Variants in VWC2 observed in about 807,000 individuals in gnomAD.
VWC2 encodes the protein brorin.
In VWC2, 14 loss-of-function variants were observed where a neutral mutation model predicts 29.8. That is an observed-to-expected ratio of 0.47 (90% CI 0.31 to 0.74). VWC2 has a LOEUF of 0.74. Among genes scored for constraint, VWC2 ranks in the 30% least tolerant of loss-of-function variants. The pLI is 0.05. For synonymous variants in VWC2, 213 were observed against 199.0 expected (o/e 1.07, Z -0.59); for missense variants, 457 against 459.8 (o/e 0.99, Z 0.05).
At chr7:49,825,724 G>T (rs1342287152) in intron 3 of VWC2, among the ~76,000 whole-genome samples, 4 of 152,170 alleles carry the variant, frequency 2.6e-5, no homozygotes, top group African/African-American at 9.7e-5. Context: ...TACCTGAACT[G>T]CAGGTGAGTT....
At chr7:49,864,638 C>T (rs745501640) in intron 3 of VWC2, among the ~76,000 whole-genome samples, 18 of 152,300 alleles carry the variant, frequency 1.2e-4, no homozygotes, top group South Asian at 4.1e-4. Flanking sequence ...TCTTCCATCC[C>T]GAATGGCTTC....
intron 2 of VWC2, among the ~76,000 whole-genome samples, chr7:49,797,163 A>G (rs1443607732): frequency 2.0e-5 from 3 of 152,232 alleles, no homozygotes; most frequent in Non-Finnish European, 2.9e-5. Flanking sequence ...AGCCTCTGCT[A>G]TGCATGTAGT....
intron 2 of VWC2, among the ~76,000 whole-genome samples, chr7:49,801,265 G>C (rs1286155368): frequency 6.6e-5 from 10 of 152,208 alleles, no homozygotes; most frequent in African/African-American, 2.4e-4. Context: ...TTGTATCATG[G>C]ACGTGGGGCA....
At chr7:49,774,723 T>TCATG (rs967764835) in intron 1 of VWC2, among the ~76,000 whole-genome samples, 5 of 152,180 alleles carry the variant, frequency 3.3e-5, no homozygotes, top group African/African-American at 1.2e-4. Flanking sequence ...GGGCATCCTT[T>TCATG]CATGCAGCGG....
chr7:49,789,265 GT>G (rs1434319073), intron 2 of VWC2, among the ~76,000 whole-genome samples: 4 of 145,748 alleles, frequency 2.7e-5, no homozygotes, highest in East Asian at 2.0e-4. Flanking sequence ...GTGGGTGTGT[GT>G]GAGCGGGTGT....
At position 49,775,426 on chromosome 7, in the gene VWC2, GT is replaced by G; in HGVS notation, c.-9del. ...TCCCCGCCCGCCCGCCCGCCGGGACGTGGTAGGGGATGCCCAGCTCCACTGC... is the reference window on the plus strand; with the variant it reads ...TCCCCGCCCGCCCGCCCGCCGGGACGGGTAGGGGATGCCCAGCTCCACTGC... On this transcript the variant is annotated 5_prime_UTR_variant, in exon 2 of 4. An upstream open reading frame in the 5' UTR loses its in-frame stop. Coordinates refer to ENST00000340652, the MANE Select transcript of VWC2 (RefSeq NM_198570.5). 2.1e-6 allele frequency: 2 copies of G among 972,714 alleles called. No individual in the cohort carries two copies. Among genetic ancestry groups the G allele is most frequent in the African/African-American group, 1.8e-5 (1 of 56,576 alleles). 60.3% of individuals were successfully genotyped at this position (972,714 alleles called of 1,614,324 possible). A position where few individuals can be genotyped will look rare whatever the true frequency, so the allele number is the denominator to read the frequency against.
At position 49,877,481 on chromosome 7, in the gene VWC2, A is replaced by AAAAAAATATACATATATATATAT; in HGVS notation, c.827-34552_827-34551insAAAAATATACATATATATATATA. Reference sequence around the variant, plus strand: ...CTGTCTCAAAAAAAAAAAAAAAAAAAATATATATATATATATATATATATA... The same window carrying AAAAAAATATACATATATATATAT: ...CTGTCTCAAAAAAAAAAAAAAAAAAAAAAAAATATACATATATATATATATATATATATATATATATATATATA... On this transcript the variant is annotated intron_variant, in intron 3 of 3. Transcript: ENST00000340652. 2.7e-3 allele frequency among the ~76,000 whole-genome samples: 35 copies of AAAAAAATATACATATATATATAT among 12,730 alleles called. 12 individuals carry two copies. The highest frequency in any genetic ancestry group is 6.1e-3 in the African/African-American group (22 of 3,604). The allele number at this position is 12,730 out of a possible 152,430, so 8.4% of individuals were successfully genotyped here.
At chr7:49,802,545 G>A (rs1788764815) in intron 2 of VWC2, among the ~76,000 whole-genome samples, 166 bp from the exon 3 acceptor site, 1 of 152,198 alleles carries the variant, frequency 6.6e-6, no homozygotes, top group Non-Finnish European at 1.5e-5. Flanking sequence ...GGCTGAGGCA[G>A]CAGAATCGCT....
At position 49,830,256 on chromosome 7, in the gene VWC2, GA is replaced by G. The variant is rs201910418; in HGVS notation, c.826+27426del. On this transcript the variant is annotated intron_variant, in intron 3 of 3. Coordinates refer to ENST00000340652, the MANE Select transcript of VWC2 (RefSeq NM_198570.5). The stretch of plus-strand genomic sequence containing the variant: ...AATCTTTTATTAATCTTTAAAATTT[GA>G]AAAAAAAAATTTAACAAGTAGGAGT... Among the ~76,000 whole-genome samples, 1,817 of 149,628 alleles carry G rather than the reference GA, an allele frequency of 0.012. 55 individuals carry two copies. The South Asian group carries it at 0.12, about 10-fold the overall frequency.
At chr7:49,896,425 A>C (rs1430585887) in intron 3 of VWC2, among the ~76,000 whole-genome samples, 1 of 152,224 alleles carries the variant, frequency 6.6e-6, no homozygotes, top group Non-Finnish European at 1.5e-5. Context: ...TGAAATGCTC[A>C]CATTAGAAAA....
At chr7:49,853,303 C>T (rs1276363888) in intron 3 of VWC2, among the ~76,000 whole-genome samples, 1 of 152,230 alleles carries the variant, frequency 6.6e-6, no homozygotes. Context: ...TGGCCGGCCC[C>T]CAGCACTTGC....
chr7:49,775,761 T>G lies in VWC2; in HGVS notation c.326T>G (p.Leu109Arg). Residue 109 changes from leucine (L) to arginine (R), a missense_variant, in exon 2 of 4, where the codon CTG becomes CGG. Physicochemically the swap from Leu to Arg is moderately radical, Grantham distance 102 (BLOSUM62 -2). This residue lies in a region of VWC2 where 272 missense variants were observed against 202.7 expected (regional missense o/e 1.34). Coordinates refer to ENST00000340652, the MANE Select transcript of VWC2 (RefSeq NM_198570.5). ...SQGGGAKAGD[L>R]QVRPRGDTPQ... ...GGCGGGGGCGCCAAGGCCGGGGATC[T>G]GCAGGTCCGGCCCCGCGGGGACACC... is the stretch of plus-strand genomic sequence containing the variant. The G allele has an allele frequency of 6.6e-7, 1 of 1,515,532 alleles. No homozygotes were observed. Among genetic ancestry groups the G allele is most frequent in the Non-Finnish European group, 8.8e-7 (1 of 1,133,968 alleles). 93.9% of individuals were successfully genotyped at this position (1,515,532 alleles called of 1,614,324 possible).
chr7:49,910,286 G>T (rs917998642), intron 3 of VWC2, among the ~76,000 whole-genome samples: 2 of 152,118 alleles, frequency 1.3e-5, no homozygotes, highest in East Asian at 1.9e-4. Context: ...TTATTCAAAG[G>T]CCAGTTGTTA....
chr7:49,885,492 C>CTG, intron 3 of VWC2, among the ~76,000 whole-genome samples: 1 of 151,584 alleles, frequency 6.6e-6, no homozygotes. Flanking sequence ...AAATTACATT[C>CTG]TGAAAAGGTA....
rs1183866947 is a variant in VWC2 at position 49,920,758 on chromosome 7, C to G, written c.*8573C>G. The G allele has an allele frequency of 6.6e-6, 1 of 151,790 alleles. No individual in the cohort carries two copies. The highest frequency in any genetic ancestry group is 1.5e-5 in the Non-Finnish European group (1 of 67,972). 9.4% of individuals were successfully genotyped at this position (151,790 alleles called of 1,614,324 possible). ...TTTAAAATAATTTTAAATACTTATT[C>G]CATAAACTCAGTATTTGAAAACTTA... On this transcript the variant is annotated 3_prime_UTR_variant, in exon 4 of 4. Transcript: ENST00000340652.
chr7:49,783,176 A>G (rs1246788909), intron 2 of VWC2, among the ~76,000 whole-genome samples: 1 of 152,158 alleles, frequency 6.6e-6, no homozygotes, highest in East Asian at 1.9e-4. Flanking sequence ...CATTATTCTT[A>G]CATTTATTTG....
rs991363144 is a variant in VWC2, at chr7:49,918,633, A to G, written c.*6448A>G. 1 of 152,270 alleles carries G rather than the reference A, an allele frequency of 6.6e-6. No individual in the cohort carries two copies. The highest frequency in any genetic ancestry group is 2.4e-5 in the African/African-American group (1 of 41,482). The allele number at this position is 152,270 out of a possible 1,614,324, so 9.4% of individuals were successfully genotyped here. On this transcript the variant is annotated 3_prime_UTR_variant, in exon 4 of 4. Coordinates refer to ENST00000340652, the MANE Select transcript of VWC2 (RefSeq NM_198570.5). The stretch of plus-strand genomic sequence containing the variant: ...GTGACCCAGTTTTTCTGGAGCCAAG[A>G]GAAGTAAACTGCCATTTATTAGGTG...
At chr7:49,867,258 C>T (rs1420523920) in intron 3 of VWC2, among the ~76,000 whole-genome samples, 1 of 152,154 alleles carries the variant, frequency 6.6e-6, no homozygotes, top group African/African-American at 2.4e-5. Context: ...ATTGACCAAA[C>T]TATCACTAAA....
At chr7:49,891,579 T>C (rs1342126729) in intron 3 of VWC2, among the ~76,000 whole-genome samples, 2 of 152,128 alleles carry the variant, frequency 1.3e-5, no homozygotes, top group Non-Finnish European at 2.9e-5. Flanking sequence ...TTCGATACTA[T>C]TGCACATCCG....
Sources: gnomAD v4.1 joint callset for allele counts (sites outside exome capture counted in the v4.1 genomes callset) on GRCh38, gnomAD v4.1.1 for gene constraint, gnomAD v4.1.1 regional missense constraint, MANE v1.5 for transcripts, NCBI Gene and HGNC (gene_info 2026-07-23, HGNC 2026-07-21) for gene names.